Variants in EVC2 observed in about 807,000 individuals in gnomAD.
EVC2 encodes EvC ciliary complex subunit 2.
In EVC2, 148 loss-of-function variants were observed where a neutral mutation model predicts 149.3. That is an observed-to-expected ratio of 0.99 (90% confidence interval 0.87 to 1.14). The LOEUF is 1.14. Among genes scored for constraint, EVC2 ranks in the 50% most tolerant of loss-of-function variants. The pLI, the probability that EVC2 is intolerant of heterozygous loss-of-function variation, is 0.00. For missense variants in EVC2, 1,854 were observed against 1,627.3 expected, an observed-to-expected ratio of 1.14 and a Z score of -2.40; for synonymous variants, 776 against 649.9, an observed-to-expected ratio of 1.19 and a Z score of -2.95.
intron 16 of EVC2, among the ~76,000 whole-genome samples, chr4:5,603,386 A>G (rs185839173): frequency 4.2e-4 from 64 of 152,274 alleles, no homozygotes; most frequent in African/African-American, 1.5e-3. Flanking sequence ...TTATGGATGG[A>G]TGGATTTTTC....
At chr4:5,595,121 G>A (rs1437655407) in intron 16 of EVC2, among the ~76,000 whole-genome samples, 2 of 152,164 alleles carry the variant, frequency 1.3e-5, no homozygotes, top group Non-Finnish European at 2.9e-5. Flanking sequence ...CGGGGAGAAT[G>A]GAAACAAGTT....
chr4:5,621,509 G>A (rs932646431), intron 14 of EVC2, among the ~76,000 whole-genome samples: 3 of 152,176 alleles, frequency 2.0e-5, no homozygotes, highest in African/African-American at 7.2e-5. Flanking sequence ...ATTCTACATT[G>A]GCTAGGTTAG....
downstream of EVC2, among the ~76,000 whole-genome samples, chr4:5,558,991 G>A (rs993173157): frequency 6.6e-6 from 1 of 152,106 alleles, no homozygotes; most frequent in African/African-American, 2.4e-5. Flanking sequence ...CTTGGAGTTT[G>A]AGACCAGCCT....
At chr4:5,571,153 T>C (rs558355755) in intron 19 of EVC2, among the ~76,000 whole-genome samples, 2 of 151,534 alleles carry the variant, frequency 1.3e-5, no homozygotes, top group South Asian at 2.1e-4. Context: ...CCGTCTCTAC[T>C]GAAAATACAA....
chr4:5,699,019 A>C (rs967336793), intron 1 of EVC2, among the ~76,000 whole-genome samples: 2 of 152,174 alleles, frequency 1.3e-5, no homozygotes, highest in African/African-American at 4.8e-5. Context: ...CCCAGTCCTT[A>C]CAGGCCTCCA....
chr4:5,562,789 C>G lies in EVC2; in HGVS notation c.*59G>C. 1 of 1,609,034 alleles carries G rather than the reference C, an allele frequency of 6.2e-7. No individual in the cohort carries two copies. The highest frequency in any genetic ancestry group is 2.2e-5 in the East Asian group (1 of 44,876). ...TGCATTATAAACACACAAACACCGG[C>G]GGGCAGGAGAAAATCATCCCTTCTC... On this transcript the variant is annotated 3_prime_UTR_variant, in exon 22 of 22. Transcript: ENST00000344408. The surrounding 1 kb of genome is among the most constrained non-coding windows in gnomAD (Gnocchi z 4.3).
chr4:5,606,391 C>G (rs148312909), intron 16 of EVC2, among the ~76,000 whole-genome samples: 413 of 152,254 alleles, frequency 2.7e-3, no homozygotes, highest in African/African-American at 8.9e-3. Context: ...AAATCAATAA[C>G]ACTTTTGGCG....
intron 9 of EVC2, among the ~76,000 whole-genome samples, chr4:5,661,894 C>T (rs934244034): frequency 1.1e-4 from 17 of 152,250 alleles, no homozygotes; most frequent in African/African-American, 3.9e-4. Context: ...GAGAGCAATA[C>T]CTACTTCATG....
chr4:5,684,702 TC>T (rs1306298325), intron 6 of EVC2, among the ~76,000 whole-genome samples: 2 of 152,168 alleles, frequency 1.3e-5, no homozygotes, highest in Non-Finnish European at 2.9e-5. Context: ...AGACTGTGTT[TC>T]CCAAAATTTA....
At position 5,543,094 on chromosome 4, in the gene EVC2, ACTCATC is replaced by A. The variant is rs1384538930; in HGVS notation, c.*31_*36del. 2.8e-5 allele frequency: 36 copies of A among 1,267,444 alleles called. No individual in the cohort carries two copies. In the Middle Eastern group the frequency reaches 1.5e-3, roughly 53 times the overall value. 78.5% of individuals were successfully genotyped at this position (1,267,444 alleles called of 1,614,324 possible). A position where few individuals can be genotyped will look rare whatever the true frequency, so the allele number is the denominator to read the frequency against. On this transcript the variant is annotated 3_prime_UTR_variant and NMD_transcript_variant, in exon 22 of 23. Coordinates refer to the EVC2 transcript ENST00000475313. ...CGATTGCACTGCTCAGTCCGAGGTA[ACTCATC>A]TATGTTTGGGACAAACTTGCAGGTA... is the stretch of plus-strand genomic sequence containing the variant.
At position 5,669,822 on chromosome 4, in the gene EVC2, A is replaced by G. The variant is rs75883836; in HGVS notation, c.871-4173T>C. Among the ~76,000 whole-genome samples the G allele has an allele frequency of 5.3e-5, 8 of 152,214 alleles. No individual in the cohort carries two copies. In the East Asian group the frequency reaches 1.5e-3, roughly 29 times the overall value. ...GGCAGTTTAGTGGAGCAGGGTCTAGATCAATGCTTAAAGTAGCAACACAGT... is the reference window on the plus strand; with the variant it reads ...GGCAGTTTAGTGGAGCAGGGTCTAGGTCAATGCTTAAAGTAGCAACACAGT... On this transcript the variant is annotated intron_variant, in intron 7 of 21. Transcript: ENST00000344408.
intron 10 of EVC2, among the ~76,000 whole-genome samples, chr4:5,632,796 T>C (rs970727582): frequency 6.6e-6 from 1 of 152,054 alleles, no homozygotes; most frequent in Non-Finnish European, 1.5e-5. Context: ...TCCCCCCAAT[T>C]ATCTCAGTAA....
intron 21 of EVC2, among the ~76,000 whole-genome samples, chr4:5,553,476 G>A (rs1383101227): frequency 1.3e-5 from 2 of 152,114 alleles, no homozygotes; most frequent in East Asian, 3.8e-4. Context: ...ATGAACTCTG[G>A]ACTTAACCAT....
At chr4:5,593,257 G>C (rs73061762) in intron 16 of EVC2, among the ~76,000 whole-genome samples, 2,499 of 152,264 alleles carry the variant, frequency 0.016, 70 homozygotes, top group African/African-American at 0.055. Context: ...CTGTATAAAA[G>C]CTCAAGTCAA....
At chr4:5,585,823 G>GT (rs1382806358) in intron 16 of EVC2, among the ~76,000 whole-genome samples, 81 of 151,834 alleles carry the variant, frequency 5.3e-4, no homozygotes, top group African/African-American at 1.9e-3. Flanking sequence ...TTTATAAGTG[G>GT]AGTCATACGG....
At chr4:5,645,385 A>G (rs1717639017) in intron 9 of EVC2, among the ~76,000 whole-genome samples, 2 of 151,398 alleles carry the variant, frequency 1.3e-5, no homozygotes, top group African/African-American at 2.4e-5. Flanking sequence ...CCCATTAGTT[A>G]TTCTTCCTGA....
chr4:5,632,218 C>A (rs1448678672), intron 10 of EVC2, among the ~76,000 whole-genome samples, 186 bp from the exon 11 acceptor site: 2 of 152,190 alleles, frequency 1.3e-5, no homozygotes, highest in Admixed American at 1.3e-4. Flanking sequence ...CATGTGTGCA[C>A]AGGCACATAC....
intron 16 of EVC2, among the ~76,000 whole-genome samples, chr4:5,602,589 A>G (rs1353344960): frequency 2.0e-5 from 3 of 152,136 alleles, no homozygotes; most frequent in Non-Finnish European, 2.9e-5. Context: ...TAAGGAAACT[A>G]AAGAACAATA....
chr4:5,685,347 G>A (rs760126977), intron 6 of EVC2, 23 bp downstream of exon 6: 7 of 1,608,908 alleles, frequency 4.4e-6, no homozygotes, highest in Non-Finnish European at 6.0e-6. Context: ...GCAAGACAGA[G>A]ATTAAAGTAA....
Sources: allele counts gnomAD v4.1 joint callset (sites outside exome capture counted in the v4.1 genomes callset), GRCh38; gene constraint gnomAD v4.1.1; non-coding constraint Gnocchi (gnomAD v3.1); transcripts MANE v1.5; gene names NCBI Gene and HGNC (gene_info 2026-07-23, HGNC 2026-07-21).